The following OSBPL3 variants were observed in gnomAD, a reference collection of about 807,000 sequenced individuals.
The protein encoded by OSBPL3 is oxysterol-binding protein-related protein 3.
A neutral mutation model predicts 120.1 loss-of-function variants in OSBPL3; 65 were observed. That is an observed-to-expected ratio of 0.54 (90% CI 0.44 to 0.67). OSBPL3 has a LOEUF of 0.67. OSBPL3 is among the 30% of genes least tolerant of loss of function. The probability of loss-of-function intolerance (pLI) is 0.00; values close to 1 mark genes in which losing one functional copy is unlikely to be tolerated. For missense variants in OSBPL3, 1,004 were observed against 1,082.1 expected, an observed-to-expected ratio of 0.93 and a Z score of 1.01; for synonymous variants, 416 against 402.6, an observed-to-expected ratio of 1.03 and a Z score of -0.40.
At chr7:24,943,155 G>A (rs1813292412) in intron 1 of OSBPL3, among the ~76,000 whole-genome samples, 1 of 152,186 alleles carries the variant, frequency 6.6e-6, no homozygotes, top group Non-Finnish European at 1.5e-5. Context: ...AGTCTGTCCT[G>A]TCTATGGCAG....
At chr7:24,839,051 G>C (rs944150679) in intron 14 of OSBPL3, among the ~76,000 whole-genome samples, 1 of 151,992 alleles carries the variant, frequency 6.6e-6, no homozygotes, top group Non-Finnish European at 1.5e-5. Flanking sequence ...CCTATACTGC[G>C]GTCCCCCAAA....
In OSBPL3 at chr7:24,948,196, A is replaced by G. The variant is rs978014014; in HGVS notation, c.-150+31690T>C. 2.0e-5 allele frequency among the ~76,000 whole-genome samples: 3 copies of G among 152,224 alleles called. No homozygotes were observed. The South Asian group carries it at 6.2e-4, about 32-fold the overall frequency. ...AGTCTGGGAATGATAGCCTAAAAAGAAAGTCTTAGGAGAAGACAGAAAAGT... is the reference window on the plus strand; with the variant it reads ...AGTCTGGGAATGATAGCCTAAAAAGGAAGTCTTAGGAGAAGACAGAAAAGT... On this transcript the variant is annotated intron_variant, in intron 1 of 22. Coordinates refer to ENST00000313367, the MANE Select transcript of OSBPL3 (RefSeq NM_015550.4).
chr7:24,834,279 C>A lies in OSBPL3; in HGVS notation c.1746+207G>T. 7.2e-7 allele frequency: 1 copy of A among 1,380,912 alleles called. No homozygotes were observed. Among genetic ancestry groups the A allele is most frequent in the South Asian group, 1.8e-5 (1 of 54,850 alleles). The allele number at this position is 1,380,912 out of a possible 1,614,324, so 85.5% of individuals were successfully genotyped here. A position where few individuals can be genotyped will look rare whatever the true frequency, so the allele number is the denominator to read the frequency against. ...CCAGGCACCAAGTGCCACGGAGAAG[C>A]ACCCCAACCCCGTCTCCAAATCCTC... On this transcript the variant is annotated intron_variant, in intron 15 of 22. Coordinates refer to ENST00000313367, the MANE Select transcript of OSBPL3 (RefSeq NM_015550.4). The surrounding 1 kb of genome is among the most constrained non-coding windows in gnomAD (Gnocchi z 5.2).
Position 24,917,396 on chromosome 7 carries a change from TGTA to T in OSBPL3, c.-149-24778_-149-24776del, listed in dbSNP as rs1164479605. 4.6e-4 allele frequency among the ~76,000 whole-genome samples: 26 copies of T among 57,106 alleles called. No individual in the cohort carries two copies. The East Asian group carries it at 5.8e-3, about 13-fold the overall frequency. 37.5% of individuals were successfully genotyped at this position (57,106 alleles called of 152,430 possible). On this transcript the variant is annotated intron_variant, in intron 1 of 22. Coordinates refer to ENST00000313367, the MANE Select transcript of OSBPL3 (RefSeq NM_015550.4). ...GATATTTGTAACATATATATATATT[TGTA>T]ACATATATATATATATATATATATA...
At chr7:24,838,563 C>A (rs1797301719) in intron 14 of OSBPL3, among the ~76,000 whole-genome samples, 1 of 152,198 alleles carries the variant, frequency 6.6e-6, no homozygotes, top group African/African-American at 2.4e-5. Context: ...ACAGAACCAG[C>A]TCTAACCTCT....
chr7:24,886,954 C>T lies in OSBPL3; in HGVS notation c.96+5423G>A, dbSNP rs140607837. Among the ~76,000 whole-genome samples the T allele has an allele frequency of 4.2e-3, 638 of 152,308 alleles. 4 individuals carry two copies. The highest frequency in any genetic ancestry group is 7.0e-3 in the Non-Finnish European group (475 of 68,024). Reference sequence around the variant, plus strand: ...TGCACAAACCACGGTCATTTTCAGGCATTTTATTTGACCTATCAGCAGCTA... The same window carrying T: ...TGCACAAACCACGGTCATTTTCAGGTATTTTATTTGACCTATCAGCAGCTA... On this transcript the variant is annotated intron_variant, in intron 2 of 22. Coordinates refer to ENST00000313367, the MANE Select transcript of OSBPL3 (RefSeq NM_015550.4).
intron 10 of OSBPL3, among the ~76,000 whole-genome samples, chr7:24,857,018 A>T (rs571872343): frequency 2.0e-5 from 3 of 152,332 alleles, no homozygotes; most frequent in Admixed American, 6.5e-5. Flanking sequence ...ACAATAAATG[A>T]CTTGGCTTTT....
Position 24,811,799 on chromosome 7 carries a change from A to G in OSBPL3, c.2173-1848T>C, listed in dbSNP as rs186867786. Among the ~76,000 whole-genome samples, 8 of 152,344 alleles carry G rather than the reference A, an allele frequency of 5.3e-5. No homozygotes were observed. In the East Asian group the frequency reaches 1.5e-3, roughly 29 times the overall value. Reference sequence around the variant, plus strand: ...GTTCTTGGCACTTTGTCAAAAACCAATTAATTATAAATGCATGGATTTACT... The same window carrying G: ...GTTCTTGGCACTTTGTCAAAAACCAGTTAATTATAAATGCATGGATTTACT... On this transcript the variant is annotated intron_variant, in intron 19 of 22. Transcript: ENST00000313367.
rs1792833016 is a variant in OSBPL3 at position 24,804,864 on chromosome 7, G to A, written c.2445-427C>T. Among the ~76,000 whole-genome samples the A allele has an allele frequency of 6.6e-6, 1 of 152,070 alleles. No individual in the cohort carries two copies. Among genetic ancestry groups the A allele is most frequent in the Non-Finnish European group, 1.5e-5 (1 of 68,022 alleles). ...CATGCTATGTATCCCTTGATTTTTG[G>A]TTTTGGTTTATTTTTTATTTAACAA... On this transcript the variant is annotated intron_variant, in intron 21 of 22. Coordinates refer to ENST00000313367, the MANE Select transcript of OSBPL3 (RefSeq NM_015550.4). This position sits in a 1 kb window ranked among gnomAD's most constrained non-coding sequence, Gnocchi z 5.4.
intron 1 of OSBPL3, chr7:24,906,614 G>T (rs1349077737): frequency 6.5e-6 from 1 of 154,570 alleles, no homozygotes; most frequent in Admixed American, 6.5e-5. Flanking sequence ...CAGGCCATTG[G>T]CCACTCTGTT....
chr7:24,979,012 C>T (rs1198648173), intron 1 of OSBPL3, among the ~76,000 whole-genome samples: 3 of 152,208 alleles, frequency 2.0e-5, no homozygotes, highest in Non-Finnish European at 4.4e-5. Context: ...CTCCAGAGGC[C>T]ACAAACGCTC....
At chr7:24,915,672 C>G (rs1261244954) in intron 1 of OSBPL3, among the ~76,000 whole-genome samples, 1 of 151,694 alleles carries the variant, frequency 6.6e-6, no homozygotes, top group East Asian at 1.9e-4. Context: ...CTCCTGGGTT[C>G]AAGCTATTCT....
In OSBPL3 at chr7:24,865,406, A is replaced by C; in HGVS notation, c.609T>G (p.Cys203Trp). 1.2e-6 allele frequency: 2 copies of C among 1,613,508 alleles called. No individual in the cohort carries two copies. The highest frequency in any genetic ancestry group is 1.7e-6 in the Non-Finnish European group (2 of 1,179,374). The part of the protein sequence containing the change: ...FQTGSNVSFS[C>W]GGETRVPLWL... The stretch of plus-strand genomic sequence containing the variant: ...ATAATGGAACTCGTGTCTCACCACC[A>C]CAAGAAAATGATACATTGCTTCCAG... Residue 203 changes from cysteine to tryptophan, a missense_variant, in exon 7 of 23, where the codon TGT (cysteine) becomes TGG (tryptophan). By Grantham distance (215) the Cys-to-Trp change is radical. Transcript: ENST00000313367.
chr7:24,815,186 T>C lies in OSBPL3; in HGVS notation c.2045A>G (p.Glu682Gly). Residue 682 changes from glutamate to glycine, a missense_variant, in exon 19 of 23, where the codon GAG (glutamate) becomes GGG (glycine). Transcript: ENST00000313367. This position sits in a 1 kb window ranked among gnomAD's most constrained non-coding sequence, Gnocchi z 5.1. Reference protein sequence around the residue: ...VTLPVFGDHFEWNKVTSCIHN... With the variant: ...VTLPVFGDHFGWNKVTSCIHN... Reference sequence around the variant, plus strand: ...GATGCAAGAGGTCACTTTGTTCCACTCAAAATGATCCCCAAAACTAAAAAG... The same window carrying C: ...GATGCAAGAGGTCACTTTGTTCCACCCAAAATGATCCCCAAAACTAAAAAG... The C allele has an allele frequency of 1.9e-6, 3 of 1,613,298 alleles. No homozygotes were observed. The highest frequency in any genetic ancestry group is 2.5e-6 in the Non-Finnish European group (3 of 1,179,658).
At chr7:24,884,118 G>T (rs1366176205) in intron 2 of OSBPL3, among the ~76,000 whole-genome samples, 1 of 151,982 alleles carries the variant, frequency 6.6e-6, no homozygotes, top group East Asian at 1.9e-4. Context: ...AGGCAAACAG[G>T]GATCCTAAGG....
intron 1 of OSBPL3, among the ~76,000 whole-genome samples, chr7:24,943,596 C>G (rs890394127): frequency 6.6e-6 from 1 of 152,088 alleles, no homozygotes; most frequent in African/African-American, 2.4e-5. Context: ...TCAGAGTTAA[C>G]ACTATAACTC....
chr7:24,904,074 G>A (rs2189074), intron 1 of OSBPL3, among the ~76,000 whole-genome samples: 40,426 of 151,692 alleles, frequency 0.27, 5,651 homozygotes, highest in South Asian at 0.4. Context: ...GTAGAGATGG[G>A]GTTTCACCAT....
chr7:24,890,871 A>T (rs1001251264), intron 2 of OSBPL3, among the ~76,000 whole-genome samples: 1 of 152,208 alleles, frequency 6.6e-6, no homozygotes, highest in African/African-American at 2.4e-5. Context: ...GTGAAAACCA[A>T]ATCAATTCCA....
chr7:24,974,221 CGTCAGCTCACGGACAGCCTT>C (rs1817332044), intron 1 of OSBPL3, among the ~76,000 whole-genome samples: 1 of 152,176 alleles, frequency 6.6e-6, no homozygotes, highest in Non-Finnish European at 1.5e-5. Context: ...TTTCAACGAT[CGTCAGCTCACGGACAGCCTT>C]GTTTCCTCTG....
Sources: gnomAD v4.1 joint callset for allele counts (sites outside exome capture counted in the v4.1 genomes callset) on GRCh38, gnomAD v4.1.1 for gene constraint, Gnocchi (gnomAD v3.1) non-coding constraint, MANE v1.5 for transcripts, NCBI Gene and HGNC (gene_info 2026-07-23, HGNC 2026-07-21) for gene names.